The following SORCS3 variants were observed in gnomAD, a reference collection of about 807,000 sequenced individuals.
SORCS3 encodes the protein VPS10 domain-containing receptor SorCS3.
A neutral mutation model predicts 146.3 loss-of-function variants in SORCS3; 57 were observed. The ratio of observed to expected loss-of-function variants is 0.39; its 90% CI spans 0.31 to 0.49. The LOEUF (loss-of-function observed/expected upper bound fraction) is 0.49. SORCS3 is among the 20% of genes least tolerant of loss of function. The probability of loss-of-function intolerance (pLI) is 0.92; values close to 1 mark genes in which losing one functional copy is unlikely to be tolerated. For synonymous variants in SORCS3, 653 were observed against 618.5 expected, an observed-to-expected ratio of 1.06 and a Z score of -0.83; for missense variants, 1,341 against 1,575.5, an observed-to-expected ratio of 0.85 and a Z score of 2.52.
intron 11 of SORCS3, among the ~76,000 whole-genome samples, chr10:105,161,288 C>T (rs767522830): frequency 2.0e-5 from 3 of 152,138 alleles, no homozygotes; most frequent in Non-Finnish European, 4.4e-5. Flanking sequence ...ACCCTGCTTG[C>T]CCTGGACACC....
intron 1 of SORCS3, among the ~76,000 whole-genome samples, chr10:104,787,741 T>C (rs1478225753): frequency 1.3e-5 from 2 of 152,188 alleles, no homozygotes; most frequent in Non-Finnish European, 2.9e-5. Flanking sequence ...GGTACCTTTT[T>C]CATTCCCTCT....
At chr10:104,850,412 G>A (rs1454381723) in intron 2 of SORCS3, among the ~76,000 whole-genome samples, 2 of 152,138 alleles carry the variant, frequency 1.3e-5, no homozygotes, top group Non-Finnish European at 2.9e-5. Context: ...GTAAAATCCC[G>A]TTTCTACAAA....
intron 3 of SORCS3, among the ~76,000 whole-genome samples, chr10:104,936,255 T>A (rs533417594): frequency 2.6e-5 from 4 of 152,212 alleles, no homozygotes; most frequent in African/African-American, 9.6e-5. Flanking sequence ...GAACTGTATA[T>A]CTGAAATGGA....
intron 20 of SORCS3, among the ~76,000 whole-genome samples, chr10:105,224,009 T>C (rs150515082): frequency 3.4e-3 from 524 of 152,352 alleles, no homozygotes; most frequent in African/African-American, 0.012. Context: ...CTTCCACACA[T>C]GTATAGCCTC....
chr10:105,162,912 A>G (rs1369847850), intron 11 of SORCS3, among the ~76,000 whole-genome samples: 2 of 152,110 alleles, frequency 1.3e-5, no homozygotes, highest in African/African-American at 2.4e-5. Context: ...AAACCAAAGA[A>G]TCCTTCTTAA....
At chr10:105,007,468 C>G (rs2055103356) in intron 4 of SORCS3, among the ~76,000 whole-genome samples, 1 of 152,062 alleles carries the variant, frequency 6.6e-6, no homozygotes, top group Admixed American at 6.6e-5. Context: ...CATCCTCCTC[C>G]CAGAGAAACA....
chr10:104,967,685 T>G (rs1423752582), intron 3 of SORCS3, among the ~76,000 whole-genome samples: 2 of 152,140 alleles, frequency 1.3e-5, no homozygotes, highest in Non-Finnish European at 2.9e-5. Context: ...ATTTATTTTT[T>G]GGTTGGGGGG....
At chr10:104,812,782 C>A (rs1589508399) in intron 1 of SORCS3, among the ~76,000 whole-genome samples, 1 of 152,100 alleles carries the variant, frequency 6.6e-6, no homozygotes, top group South Asian at 2.1e-4. Context: ...AGGTAAACAT[C>A]CAGAGCCAGT....
At chr10:104,745,295 AG>A (rs1221046629) in intron 1 of SORCS3, among the ~76,000 whole-genome samples, 2 of 152,218 alleles carry the variant, frequency 1.3e-5, no homozygotes, top group East Asian at 3.8e-4. Context: ...TACATCAAAA[AG>A]CCTATCAATT....
intron 21 of SORCS3, 84 bp from the exon 22 acceptor site, chr10:105,247,135 A>G (rs1051622131): frequency 3.3e-6 from 2 of 607,576 alleles, no homozygotes; most frequent in African/African-American, 3.8e-5. Flanking sequence ...TACCAAAAGC[A>G]CAGTGATGGT....
intron 9 of SORCS3, among the ~76,000 whole-genome samples, chr10:105,151,851 A>G (rs1287279394): frequency 6.6e-6 from 1 of 152,112 alleles, no homozygotes; most frequent in Non-Finnish European, 1.5e-5. Context: ...CATGACTATA[A>G]TTACATAATT....
chr10:105,160,959 G>A (rs954388805), intron 11 of SORCS3, among the ~76,000 whole-genome samples: 33 of 152,178 alleles, frequency 2.2e-4, no homozygotes, highest in African/African-American at 7.7e-4. Context: ...ATGGAAGTAT[G>A]TGTCTATAAG....
rs118109804 is a variant in SORCS3, at chr10:105,146,988, C to T, written c.1303-629C>T. Among the ~76,000 whole-genome samples, 147 of 152,198 alleles carry T rather than the reference C, an allele frequency of 9.7e-4. 1 individual carries two copies. The East Asian group carries it at 0.026, about 27-fold the overall frequency. Reference sequence around the variant, plus strand: ...TAAATTCCAGGTTGAGTATCCTTTTCTCTATATCAGTGATCTTCAACATAA... The same window carrying T: ...TAAATTCCAGGTTGAGTATCCTTTTTTCTATATCAGTGATCTTCAACATAA... On this transcript the variant is annotated intron_variant, in intron 8 of 26. Coordinates refer to ENST00000369701, the MANE Select transcript of SORCS3 (RefSeq NM_014978.3).
chr10:104,760,906 C>T (rs1361618784), intron 1 of SORCS3, among the ~76,000 whole-genome samples: 2 of 150,582 alleles, frequency 1.3e-5, no homozygotes, highest in South Asian at 2.1e-4. Context: ...GGACAGATTA[C>T]GTTTTTTTTT....
intron 1 of SORCS3, among the ~76,000 whole-genome samples, chr10:104,799,827 C>T (rs1386066133): frequency 6.6e-6 from 1 of 151,942 alleles, no homozygotes; most frequent in Non-Finnish European, 1.5e-5. Flanking sequence ...AGGTGCCCAC[C>T]ACCACGCCTG....
chr10:104,734,761 G>T (rs960353984), intron 1 of SORCS3, among the ~76,000 whole-genome samples: 4 of 152,202 alleles, frequency 2.6e-5, no homozygotes, highest in Non-Finnish European at 5.9e-5. Flanking sequence ...AAATACATCT[G>T]CAGGCTTTGG....
At chr10:105,107,939 G>A (rs975306315) in intron 7 of SORCS3, among the ~76,000 whole-genome samples, 9 of 152,142 alleles carry the variant, frequency 5.9e-5, no homozygotes, top group Non-Finnish European at 1.2e-4. Flanking sequence ...GATAATTGTA[G>A]TACCTACTTC....
At chr10:105,261,802 T>C (rs887422431) in intron 25 of SORCS3, among the ~76,000 whole-genome samples, 103 of 152,180 alleles carry the variant, frequency 6.8e-4, no homozygotes, top group African/African-American at 2.3e-3. Flanking sequence ...GTCATCCCCA[T>C]TGAACAGATG....
At chr10:104,750,567 T>G (rs900397109) in intron 1 of SORCS3, among the ~76,000 whole-genome samples, 7 of 152,204 alleles carry the variant, frequency 4.6e-5, no homozygotes, top group African/African-American at 1.7e-4. Context: ...GTGAAGATAC[T>G]GATGGCAAAT....
Sources: gnomAD v4.1 joint callset for allele counts (sites outside exome capture counted in the v4.1 genomes callset) on GRCh38, gnomAD v4.1.1 for gene constraint, MANE v1.5 for transcripts, NCBI Gene and HGNC (gene_info 2026-07-23, HGNC 2026-07-21) for gene names.